The following NRCAM variants were observed in gnomAD, a reference collection of about 807,000 sequenced individuals.
NRCAM encodes the protein neuronal cell adhesion molecule.
NRCAM carries 83 observed loss-of-function variants against 156.5 expected under a neutral mutation model. The observed-to-expected ratio is 0.53, with a 90% CI of 0.44 to 0.64. The LOEUF (loss-of-function observed/expected upper bound fraction) is 0.64. Among genes scored for constraint, NRCAM ranks in the 30% least tolerant of loss-of-function variants. NRCAM has a pLI of 0.00. For synonymous variants in NRCAM, 538 were observed against 563.9 expected (o/e 0.95, Z 0.65); for missense variants, 1,417 against 1,597.3 (o/e 0.89, Z 1.92).
rs755368509 is a variant in NRCAM, at chr7:108,182,695, G to A, written c.2530C>T (p.Leu844Phe). 3.1e-6 allele frequency: 5 copies of A among 1,613,342 alleles called. No individual in the cohort carries two copies. Among genetic ancestry groups the A allele is most frequent in the Admixed American group, 1.7e-5 (1 of 60,020 alleles). ...AVVMGHSGEDLPMVAPGNVRV... is the reference protein window; with the variant it reads ...AVVMGHSGEDFPMVAPGNVRV... ...AAAAGTAGGAAATGGCATCACTTAC[G>A]GTCTTCTCCAGAATGTCCCATGACT... Residue 844 changes from leucine (L) to phenylalanine (F), a missense_variant and splice_region_variant, in exon 23 of 33, where the codon CTC (leucine) becomes TTC (phenylalanine). Leu to Phe is a conservative substitution (Grantham distance 22, BLOSUM62 0). Around this residue, in one of 2 missense-constraint regions of NRCAM, gnomAD observed 1,238 missense variants for 1,336.4 expected, o/e 0.93. Transcript: ENST00000379028.
intron 2 of NRCAM, among the ~76,000 whole-genome samples, chr7:108,334,366 C>A (rs905811416): frequency 6.6e-6 from 1 of 152,152 alleles, no homozygotes; most frequent in Non-Finnish European, 1.5e-5. Context: ...ATTTCCATTG[C>A]CTATAGAATA....
At chr7:108,378,223 G>T (rs79808290) in intron 2 of NRCAM, among the ~76,000 whole-genome samples, 2,364 of 152,126 alleles carry the variant, frequency 0.016, 34 homozygotes, top group Non-Finnish European at 0.021. Flanking sequence ...ATTACTGAGG[G>T]ACTTGAATAC....
chr7:108,258,184 T>C (rs2096756458), intron 3 of NRCAM, among the ~76,000 whole-genome samples: 1 of 152,188 alleles, frequency 6.6e-6, no homozygotes. Context: ...CACCCTCAGC[T>C]TCAGGGCCGA....
At chr7:108,316,619 A>G (rs2098926846) in intron 2 of NRCAM, among the ~76,000 whole-genome samples, 1 of 151,824 alleles carries the variant, frequency 6.6e-6, no homozygotes, top group East Asian at 1.9e-4. Flanking sequence ...ACTAAAGAAA[A>G]AAAAAATACA....
chr7:108,406,860 C>A (rs1224584736), intron 1 of NRCAM, among the ~76,000 whole-genome samples: 1 of 152,186 alleles, frequency 6.6e-6, no homozygotes, highest in African/African-American at 2.4e-5. Flanking sequence ...TGAGAGCCTA[C>A]TGGGTAATGC....
chr7:108,163,127 G>A (rs2299988), intron 30 of NRCAM, among the ~76,000 whole-genome samples: 7,459 of 151,980 alleles, frequency 0.049, 240 homozygotes, highest in East Asian at 0.11. Flanking sequence ...GCTGGGTAGC[G>A]GAGTAAAAGA....
At chr7:108,178,248 T>C (rs2061712653) in intron 25 of NRCAM, 136 bp from the exon 26 acceptor site, 2 of 800,122 alleles carry the variant, frequency 2.5e-6, no homozygotes, top group South Asian at 1.9e-5. Context: ...GAAAATACAT[T>C]AGTACAAACC....
intron 2 of NRCAM, among the ~76,000 whole-genome samples, chr7:108,338,899 A>G (rs554146903): frequency 6.6e-6 from 1 of 152,330 alleles, no homozygotes; most frequent in South Asian, 2.1e-4. Context: ...TCCTTAACCC[A>G]GTAACCCGCA....
At chr7:108,160,282 C>T in intron 31 of NRCAM, 79 bp downstream of exon 31, 1 of 1,387,152 alleles carries the variant, frequency 7.2e-7, no homozygotes, top group Non-Finnish European at 1.0e-6. Flanking sequence ...TTACAATCTA[C>T]ATGATTTCCC....
chr7:108,240,742 A>T (rs1461774425), intron 3 of NRCAM, among the ~76,000 whole-genome samples: 7 of 152,000 alleles, frequency 4.6e-5, no homozygotes, highest in African/African-American at 1.7e-4. Context: ...GTGCTGATTA[A>T]TTTTTTCTAC....
intron 7 of NRCAM, 30 bp downstream of exon 7, chr7:108,232,296 G>A: frequency 6.6e-7 from 1 of 1,516,692 alleles, no homozygotes; most frequent in South Asian, 1.2e-5. Context: ...CTTTAAAAAG[G>A]GTCATGTTGG....
chr7:108,333,147 C>T (rs1028117678), intron 2 of NRCAM, among the ~76,000 whole-genome samples: 5 of 152,166 alleles, frequency 3.3e-5, no homozygotes, highest in Admixed American at 6.5e-5. Flanking sequence ...TAAAACAAGG[C>T]TTATTACCAT....
chr7:108,425,036 T>C (rs1815299383), intron 1 of NRCAM, among the ~76,000 whole-genome samples: 1 of 152,148 alleles, frequency 6.6e-6, no homozygotes, highest in African/African-American at 2.4e-5. Flanking sequence ...ATTAGTGCCT[T>C]AGGACATTAG....
At chr7:108,337,638 G>T (rs941899717) in intron 2 of NRCAM, among the ~76,000 whole-genome samples, 5 of 152,162 alleles carry the variant, frequency 3.3e-5, no homozygotes, top group African/African-American at 1.2e-4. Flanking sequence ...GCTTTTAATA[G>T]AGCTATAACA....
intron 1 of NRCAM, among the ~76,000 whole-genome samples, chr7:108,426,673 C>T (rs1314957424): frequency 6.6e-6 from 1 of 152,210 alleles, no homozygotes; most frequent in Non-Finnish European, 1.5e-5. Flanking sequence ...AAAGGGCACA[C>T]AAGCACATTT....
At chr7:108,450,234 T>A (rs1474454098) in intron 1 of NRCAM, among the ~76,000 whole-genome samples, 1 of 149,474 alleles carries the variant, frequency 6.7e-6, no homozygotes, top group East Asian at 1.9e-4. Context: ...TTAGTGGTTA[T>A]AATTTGTTCC....
chr7:108,348,479 G>A (rs1375835999), intron 2 of NRCAM, among the ~76,000 whole-genome samples: 1 of 152,160 alleles, frequency 6.6e-6, no homozygotes, highest in African/African-American at 2.4e-5. Flanking sequence ...TTAGAGGACT[G>A]ACAGGATAAA....
At chr7:108,260,997 ATACTAGG>A (rs912005791) in intron 3 of NRCAM, among the ~76,000 whole-genome samples, 7 of 152,098 alleles carry the variant, frequency 4.6e-5, no homozygotes, top group Non-Finnish European at 1.0e-4. Flanking sequence ...GGCCAGTATG[ATACTAGG>A]TACTAGGTTC....
chr7:108,427,700 C>T (rs1018868243), intron 1 of NRCAM, among the ~76,000 whole-genome samples: 1 of 152,198 alleles, frequency 6.6e-6, no homozygotes, highest in Non-Finnish European at 1.5e-5. Flanking sequence ...AAATCCTTTA[C>T]TCAAAAGCAA....
Sources: gnomAD v4.1 joint callset for allele counts (sites outside exome capture counted in the v4.1 genomes callset) on GRCh38, gnomAD v4.1.1 for gene constraint, gnomAD v4.1.1 regional missense constraint, MANE v1.5 for transcripts, NCBI Gene and HGNC (gene_info 2026-07-23, HGNC 2026-07-21) for gene names.